Variants in CCDC171 observed in about 807,000 individuals in gnomAD.
CCDC171 encodes the protein coiled-coil domain containing 171.
Under a neutral mutation model 168.2 loss-of-function variants are expected in CCDC171, and 177 were observed. The observed-to-expected ratio is 1.05, with a 90% CI of 0.93 to 1.19. CCDC171 has a LOEUF of 1.19. Among genes scored for constraint, CCDC171 ranks in the 50% most tolerant of loss-of-function variants. The pLI is 0.00. For synonymous variants in CCDC171, 687 were observed against 540.8 expected, an observed-to-expected ratio of 1.27 and a Z score of -3.75; for missense variants, 1,991 against 1,539.0, an observed-to-expected ratio of 1.29 and a Z score of -4.91.
chr9:15,842,872 GT>G (rs1258056212), intron 21 of CCDC171, among the ~76,000 whole-genome samples: 1 of 151,738 alleles, frequency 6.6e-6, no homozygotes, highest in East Asian at 1.9e-4. Context: ...AATTTTTGCT[GT>G]TATTCACTAG....
chr9:16,047,414 C>T (rs997441540), intron 1 of CCDC171, among the ~76,000 whole-genome samples: 2 of 152,188 alleles, frequency 1.3e-5, no homozygotes, highest in African/African-American at 2.4e-5. Context: ...TCTCCTAGGT[C>T]TGTGTCCTCT....
At chr9:16,087,010 G>T in the CCDC171 span, among the ~76,000 whole-genome samples, 1 of 152,178 alleles carries the variant, frequency 6.6e-6, no homozygotes, top group African/African-American at 2.4e-5. Context: ...TCAGGAGCAG[G>T]TTGTTCAGTT....
chr9:15,769,900 T>A (rs2056925147), intron 18 of CCDC171, among the ~76,000 whole-genome samples: 1 of 152,246 alleles, frequency 6.6e-6, no homozygotes, highest in Non-Finnish European at 1.5e-5. Context: ...TTACTGAAGT[T>A]ACTTCTATCT....
intron 11 of CCDC171, among the ~76,000 whole-genome samples, chr9:15,709,420 G>T (rs1267523597): frequency 2.0e-5 from 3 of 151,854 alleles, no homozygotes; most frequent in Non-Finnish European, 4.4e-5. Flanking sequence ...CAGAGGAAAA[G>T]AACAAAGAAT....
intron 18 of CCDC171, among the ~76,000 whole-genome samples, chr9:15,765,318 T>C (rs1204197527): frequency 1.3e-5 from 2 of 151,754 alleles, no homozygotes; most frequent in Non-Finnish European, 2.9e-5. Flanking sequence ...AGATGAGGGG[T>C]AATTCAATGT....
At chr9:15,894,080 G>A (rs1820565208) in intron 24 of CCDC171, among the ~76,000 whole-genome samples, 1 of 152,168 alleles carries the variant, frequency 6.6e-6, no homozygotes, top group Non-Finnish European at 1.5e-5. Context: ...TACACACCAT[G>A]GAATACTGTG....
intron 23 of CCDC171, among the ~76,000 whole-genome samples, chr9:15,854,848 T>C (rs1432815804): frequency 6.6e-6 from 1 of 151,662 alleles, no homozygotes; most frequent in African/African-American, 2.4e-5. Context: ...ATTGACTTGT[T>C]ATTTAAGAGT....
chr9:15,578,633 AT>A (rs35672487), intron 3 of CCDC171, among the ~76,000 whole-genome samples: 8,733 of 149,372 alleles, frequency 0.058, 281 homozygotes, highest in African/African-American at 0.09. Flanking sequence ...TTCTTATAAG[AT>A]TTTTTTTTTC....
chr9:15,744,154 G>C, intron 16 of CCDC171, 119 bp from the exon 17 acceptor site: 1 of 775,704 alleles, frequency 1.3e-6, no homozygotes, highest in African/African-American at 1.8e-5. Context: ...TTTAGCACAT[G>C]TATCTTTTAA....
At position 15,724,851 on chromosome 9, in the gene CCDC171, T is replaced by G; in HGVS notation, c.1567T>G (p.Leu523Val). Residue 523 changes from leucine (L) to valine (V), a missense_variant, in exon 14 of 26, where the codon TTA becomes GTA. Leu to Val is a conservative substitution (Grantham distance 32). Transcript: ENST00000380701. ...LHTKCADREA[L>V]ISTLKVELQN... The stretch of plus-strand genomic sequence containing the variant: ...CACTAAATGTGCAGACCGAGAGGCT[T>G]TAATAAGCACTTTAAAAGTGGAACT... 1.2e-6 allele frequency: 2 copies of G among 1,613,784 alleles called. No individual in the cohort carries two copies.
At chr9:15,620,090 G>C (rs549703219) in intron 6 of CCDC171, among the ~76,000 whole-genome samples, 1 of 152,176 alleles carries the variant, frequency 6.6e-6, no homozygotes, top group Non-Finnish European at 1.5e-5. Flanking sequence ...GAAGAGCGCT[G>C]ATGGTTATGT....
intron 23 of CCDC171, among the ~76,000 whole-genome samples, chr9:15,862,139 A>G (rs980627809): frequency 3.3e-5 from 5 of 151,072 alleles, no homozygotes; most frequent in Non-Finnish European, 5.9e-5. Context: ...GTAATGAGTC[A>G]TTTTCTTCTT....
At chr9:15,732,894 C>G (rs1216692967) in intron 16 of CCDC171, among the ~76,000 whole-genome samples, 7 of 151,980 alleles carry the variant, frequency 4.6e-5, no homozygotes, top group African/African-American at 9.7e-5. Context: ...GTTGTTTTTC[C>G]AAGTGACTAT....
At chr9:15,715,283 T>C in intron 11 of CCDC171, among the ~76,000 whole-genome samples, 1 of 152,212 alleles carries the variant, frequency 6.6e-6, no homozygotes, top group East Asian at 1.9e-4. Flanking sequence ...TTATGAACCA[T>C]TTTTCCTAAA....
intron 18 of CCDC171, among the ~76,000 whole-genome samples, chr9:15,775,579 A>G (rs1369568824): frequency 6.6e-6 from 1 of 152,128 alleles, no homozygotes; most frequent in African/African-American, 2.4e-5. Flanking sequence ...TAGCCTCCCA[A>G]AGTGCTGGGA....
At position 15,677,879 on chromosome 9, in the gene CCDC171, C is replaced by CATAT. The variant is rs71325929; in HGVS notation, c.1077-835_1077-832dup. ...TGTATATATATATGTGTGTGTGTGT[C>CATAT]ATATATATATATATATATATATATA... is the stretch of plus-strand genomic sequence containing the variant. On this transcript the variant is annotated intron_variant, in intron 9 of 25. Coordinates refer to ENST00000380701, the MANE Select transcript of CCDC171 (RefSeq NM_173550.4). 3.5e-3 allele frequency among the ~76,000 whole-genome samples: 44 copies of CATAT among 12,478 alleles called. 6 individuals carry two copies. The highest frequency in any genetic ancestry group is 7.4e-3 in the Admixed American group (5 of 672). 8.2% of individuals were successfully genotyped at this position (12,478 alleles called of 152,430 possible). A position where few individuals can be genotyped will look rare whatever the true frequency, so the allele number is the denominator to read the frequency against.
chr9:15,997,812 G>A (rs1832418034), intron 3 of CCDC171, among the ~76,000 whole-genome samples: 1 of 152,162 alleles, frequency 6.6e-6, no homozygotes, highest in Non-Finnish European at 1.5e-5. Flanking sequence ...AACTTGGCAA[G>A]GAGGTACCAG....
chr9:15,692,800 TACAGGCGTGAGCC>T (rs1468635940), intron 10 of CCDC171, among the ~76,000 whole-genome samples: 1 of 150,880 alleles, frequency 6.6e-6, no homozygotes, highest in African/African-American at 2.4e-5. Flanking sequence ...GTGCTGGGAT[TACAGGCGTGAGCC>T]ACAGCTCCCG....
At chr9:15,563,651 C>A (rs2039494140) in intron 1 of CCDC171, among the ~76,000 whole-genome samples, 1 of 152,136 alleles carries the variant, frequency 6.6e-6, no homozygotes, top group Admixed American at 6.5e-5. Flanking sequence ...ATGAGATCTC[C>A]CCATTCCCAC....
Sources: allele counts gnomAD v4.1 joint callset (sites outside exome capture counted in the v4.1 genomes callset), GRCh38; gene constraint gnomAD v4.1.1; transcripts MANE v1.5; gene names NCBI Gene and HGNC (gene_info 2026-07-23, HGNC 2026-07-21).